Variants in LGR5 observed in about 807,000 individuals in gnomAD.
LGR5 encodes leucine rich repeat containing G protein-coupled receptor 5.
LGR5 carries 54 observed loss-of-function variants against 76.7 expected under a neutral mutation model. The observed-to-expected ratio is 0.70, with a 90% confidence interval of 0.57 to 0.88. LGR5 has a LOEUF of 0.88. Ranked by LOEUF, LGR5 falls within the 40% of genes least tolerant of loss-of-function variation. LGR5 has a pLI of 0.00. For synonymous variants in LGR5, 406 were observed against 421.9 expected, an observed-to-expected ratio of 0.96 and a Z score of 0.46; for missense variants, 1,078 against 1,073.3, an observed-to-expected ratio of 1.00 and a Z score of -0.06.
intron 6 of LGR5, among the ~76,000 whole-genome samples, chr12:71,557,927 G>C (rs990807934): frequency 6.6e-6 from 1 of 152,188 alleles, no homozygotes; most frequent in Admixed American, 6.5e-5. Context: ...GGGGCCCACT[G>C]TTCATTTGCA....
At chr12:71,496,837 T>C (rs1209025341) in intron 1 of LGR5, among the ~76,000 whole-genome samples, 3 of 152,188 alleles carry the variant, frequency 2.0e-5, no homozygotes, top group African/African-American at 4.8e-5. Context: ...CAAAAATGTC[T>C]ATAAATGATT....
chr12:71,572,891 C>A lies in LGR5; in HGVS notation c.1178C>A (p.Thr393Asn), dbSNP rs749069688. ...GAAATCTACGAAATTAAAGTTGACA[C>A]TTTCCAGCAGTTGCTTAGCCTCCGA... ...HNEIYEIKVD[T>N]FQQLLSLRSL... Residue 393 changes from threonine to asparagine, a missense_variant, in exon 13 of 18, where the codon ACT (threonine) becomes AAT (asparagine). Transcript: ENST00000266674. 1.9e-6 allele frequency: 3 copies of A among 1,613,864 alleles called. No individual in the cohort carries two copies. In the Admixed American group the frequency reaches 5.0e-5, roughly 27 times the overall value.
rs1380683337 is a variant in LGR5, at chr12:71,566,452, A to G, written c.906A>G (p.Gln302=). ...AGTTTGTTGGGAGATCTGCTTTTCA[A>G]CATTTACCTGAACTAAGAACACTGT... ...PIQFVGRSAF[Q]HLPELRTLTL... The change falls in exon 9 of 18, where the codon CAA becomes CAG. Residue 302 remains glutamine, a synonymous_variant. Coordinates refer to ENST00000266674, the MANE Select transcript of LGR5 (RefSeq NM_003667.4). 1.9e-6 allele frequency: 3 copies of G among 1,605,422 alleles called. No individual in the cohort carries two copies. The highest frequency in any genetic ancestry group is 2.6e-6 in the Non-Finnish European group (3 of 1,172,514).
At chr12:71,477,353 A>C (rs998668796) in intron 1 of LGR5, among the ~76,000 whole-genome samples, 1 of 152,046 alleles carries the variant, frequency 6.6e-6, no homozygotes, top group Non-Finnish European at 1.5e-5. Context: ...AGGAGTGGAA[A>C]GGGTGGGACA....
chr12:71,580,136 C>A (rs900703082), intron 15 of LGR5, 142 bp from the exon 16 acceptor site: 7 of 655,434 alleles, frequency 1.1e-5, no homozygotes, highest in African/African-American at 5.6e-5. Flanking sequence ...GTAATGAACA[C>A]CTTTATGTGC....
intron 13 of LGR5, among the ~76,000 whole-genome samples, chr12:71,573,542 ACTT>A (rs1182997288): frequency 3.9e-5 from 6 of 152,188 alleles, no homozygotes; most frequent in African/African-American, 9.6e-5. Flanking sequence ...TTTTTAAAAA[ACTT>A]ACTAGCAGAT....
At position 71,534,616 on chromosome 12, in the gene LGR5, C is replaced by T. The variant is rs377371750; in HGVS notation, c.357-499C>T. Among the ~76,000 whole-genome samples the T allele has an allele frequency of 5.0e-3, 768 of 152,318 alleles. 3 individuals are homozygous for T. Among genetic ancestry groups the T allele is most frequent in the Non-Finnish European group, 8.1e-3 (551 of 68,032 alleles). On this transcript the variant is annotated intron_variant, in intron 3 of 17. Transcript: ENST00000266674. ...CTGGCAAAGCCCTCCATGAGATGGTCTCAGGCTCTCTCTCCCAACCTCGAG... is the reference window on the plus strand; with the variant it reads ...CTGGCAAAGCCCTCCATGAGATGGTTTCAGGCTCTCTCTCCCAACCTCGAG...
intron 1 of LGR5, among the ~76,000 whole-genome samples, chr12:71,460,875 C>T (rs561181947): frequency 6.6e-6 from 1 of 152,082 alleles, no homozygotes. Context: ...CCTTCCCCTG[C>T]AAAATAAGTG....
At chr12:71,456,220 G>A (rs989271082) in intron 1 of LGR5, among the ~76,000 whole-genome samples, 187 of 152,126 alleles carry the variant, frequency 1.2e-3, no homozygotes, top group African/African-American at 4.4e-3. Context: ...GGGAGAAAAG[G>A]AAAAAATACA....
At chr12:71,449,907 A>G (rs970286934) in intron 1 of LGR5, among the ~76,000 whole-genome samples, 7 of 152,232 alleles carry the variant, frequency 4.6e-5, no homozygotes, top group African/African-American at 1.7e-4. Context: ...ACTGAAATTT[A>G]ATCGTGATTG....
chr12:71,525,718 C>T (rs1356876246), intron 3 of LGR5, among the ~76,000 whole-genome samples: 1 of 151,304 alleles, frequency 6.6e-6, no homozygotes, highest in African/African-American at 2.4e-5. Flanking sequence ...ATATATAAGC[C>T]AGTGTGTGTG....
rs1410574396 is a variant in LGR5 at position 71,440,318 on chromosome 12, G to T, written c.212+26G>T. The T allele has an allele frequency of 6.3e-7, 1 of 1,594,438 alleles. No individual in the cohort carries two copies. The highest frequency in any genetic ancestry group is 8.5e-7 in the Non-Finnish European group (1 of 1,170,546). On this transcript the variant is annotated intron_variant, in intron 1 of 17. Coordinates refer to ENST00000266674, the MANE Select transcript of LGR5 (RefSeq NM_003667.4). This position sits in a 1 kb window ranked among gnomAD's most constrained non-coding sequence, Gnocchi z 5.3. The stretch of plus-strand genomic sequence containing the variant: ...GTAAGTACTTCCCCACGTCACTCCG[G>T]GAGAGAGACTAAGAGGGGAAGGAAG...
At chr12:71,553,778 A>G (rs1877618425) in intron 5 of LGR5, among the ~76,000 whole-genome samples, 1 of 152,218 alleles carries the variant, frequency 6.6e-6, no homozygotes, top group African/African-American at 2.4e-5. Flanking sequence ...ATTTATTAAG[A>G]CAAGAGAATT....
At chr12:71,550,461 CTT>C (rs71068776) in intron 4 of LGR5, among the ~76,000 whole-genome samples, 383 of 132,024 alleles carry the variant, frequency 2.9e-3, no homozygotes, top group Middle Eastern at 7.9e-3. Context: ...CTCATACTTT[CTT>C]TTTTTTTTTT....
At chr12:71,574,379 C>T (rs557525662) in intron 13 of LGR5, among the ~76,000 whole-genome samples, 32 of 144,918 alleles carry the variant, frequency 2.2e-4, no homozygotes, top group African/African-American at 6.0e-4. Context: ...GAATAAATGT[C>T]TGAATCCCCC....
At chr12:71,567,085 T>C in intron 11 of LGR5, 173 bp downstream of exon 11, 1 of 608,926 alleles carries the variant, frequency 1.6e-6, no homozygotes, top group Non-Finnish European at 3.0e-6. Context: ...GACATGATCC[T>C]GGTAACAAAT....
upstream of LGR5, chr12:71,439,719 A>C: frequency 8.8e-6 from 2 of 226,788 alleles, no homozygotes; most frequent in Non-Finnish European, 8.6e-6. Context: ...GTGCCTGGGA[A>C]GCCAGGCTGC....
rs1879297446 is a variant in LGR5 at position 71,585,873 on chromosome 12, G to C, written c.*1139G>C. On this transcript the variant is annotated 3_prime_UTR_variant, in exon 18 of 18. Transcript: ENST00000266674. ...TTATTCCATATTAATACTGTGTTAG[G>C]TATTTTAAGAAGCAAGTTATTAAAT... 1 of 152,100 alleles carries C rather than the reference G, an allele frequency of 6.6e-6. No homozygotes were observed. Among genetic ancestry groups the C allele is most frequent in the Admixed American group, 6.5e-5 (1 of 15,270 alleles). 9.4% of individuals were successfully genotyped at this position (152,100 alleles called of 1,614,324 possible). A position where few individuals can be genotyped will look rare whatever the true frequency, so the allele number is the denominator to read the frequency against.
In LGR5 at chr12:71,440,643, A is replaced by G. The variant is rs904556860; in HGVS notation, c.212+351A>G. Among the ~76,000 whole-genome samples, 8 of 152,252 alleles carry G rather than the reference A, an allele frequency of 5.3e-5. No homozygotes were observed. The highest frequency in any genetic ancestry group is 1.9e-4 in the African/African-American group (8 of 41,574). On this transcript the variant is annotated intron_variant, in intron 1 of 17. Transcript: ENST00000266674. The surrounding 1 kb of genome is among the most constrained non-coding windows in gnomAD (Gnocchi z 5.3). ...ATTTGTGACCCAGAGCCTGGTACCCAAAGGCAGGCTGCCATCTGGTCCCCG... is the reference window on the plus strand; with the variant it reads ...ATTTGTGACCCAGAGCCTGGTACCCGAAGGCAGGCTGCCATCTGGTCCCCG...
Sources: allele counts gnomAD v4.1 joint callset (sites outside exome capture counted in the v4.1 genomes callset), GRCh38; gene constraint gnomAD v4.1.1; non-coding constraint Gnocchi (gnomAD v3.1); transcripts MANE v1.5; gene names NCBI Gene and HGNC (gene_info 2026-07-23, HGNC 2026-07-21).